The following ARMC9 variants were observed in gnomAD, a reference collection of about 807,000 sequenced individuals.
ARMC9 encodes armadillo repeat containing 9.
ARMC9 carries 94 observed loss-of-function variants against 107.0 expected under a neutral mutation model. The ratio of observed to expected loss-of-function variants is 0.88; its 90% CI spans 0.74 to 1.04. The LOEUF is 1.04. Ranked by LOEUF, ARMC9 falls within the 50% of genes least tolerant of loss-of-function variation. The probability of loss-of-function intolerance (pLI) is 0.00; values close to 1 mark genes in which losing one functional copy is unlikely to be tolerated. For missense variants in ARMC9, 942 were observed against 1,030.1 expected, an observed-to-expected ratio of 0.91 and a Z score of 1.17; for synonymous variants, 380 against 396.9, an observed-to-expected ratio of 0.96 and a Z score of 0.51.
chr2:231,281,539 G>A (rs556573275), intron 16 of ARMC9, among the ~76,000 whole-genome samples: 4 of 152,250 alleles, frequency 2.6e-5, no homozygotes, highest in Admixed American at 1.3e-4. Context: ...TTTGGCCCAC[G>A]CTATAGAATG....
At chr2:231,253,878 G>A (rs1353824800) in intron 9 of ARMC9, among the ~76,000 whole-genome samples, 1 of 152,186 alleles carries the variant, frequency 6.6e-6, no homozygotes, top group Non-Finnish European at 1.5e-5. Context: ...CTGGTGTCAG[G>A]CTGTAGGGAG....
chr2:231,287,702 C>A (rs189470382), intron 17 of ARMC9, among the ~76,000 whole-genome samples: 3 of 152,254 alleles, frequency 2.0e-5, no homozygotes, highest in Admixed American at 2.0e-4. Context: ...GTAATCATGT[C>A]ATGTAATCAT....
rs1170129629 is a variant in ARMC9 at position 231,375,257 on chromosome 2, C to T, written c.*3722C>T. Among the ~76,000 whole-genome samples the T allele has an allele frequency of 6.6e-6, 1 of 152,192 alleles. No individual in the cohort carries two copies. Among genetic ancestry groups the T allele is most frequent in the African/African-American group, 2.4e-5 (1 of 41,426 alleles). On this transcript the variant is annotated 3_prime_UTR_variant, in exon 25 of 25. Transcript: ENST00000611582. This position sits in a 1 kb window ranked among gnomAD's most constrained non-coding sequence, Gnocchi z 4.3. ...GCTGTTGGCTGAGCCCTTGGTTCTC[C>T]TCTGGCTTAGGCTTGTTCACATGGT...
chr2:231,223,047 T>C (rs887523562), intron 6 of ARMC9, among the ~76,000 whole-genome samples: 1 of 152,242 alleles, frequency 6.6e-6, no homozygotes, highest in African/African-American at 2.4e-5. Context: ...CTTATTTTGA[T>C]GTCACGTGGC....
At chr2:231,315,970 T>G (rs981198699) in intron 19 of ARMC9, among the ~76,000 whole-genome samples, 3 of 152,242 alleles carry the variant, frequency 2.0e-5, no homozygotes, top group Non-Finnish European at 4.4e-5. Context: ...TATGCATCTT[T>G]CACTTGTCAC....
Position 231,331,975 on chromosome 2 carries a change from CA to C in ARMC9, c.1878+79del. On this transcript the variant is annotated intron_variant, in intron 20 of 24. Coordinates refer to ENST00000611582, the MANE Select transcript of ARMC9 (RefSeq NM_001352754.2). ...TTGATGGATTTCGTGTTTTCAGTGA[CA>C]CAGAGGGTTTAGTTTGGTTTGTTAC... 4.1e-6 allele frequency: 5 copies of C among 1,219,572 alleles called. No homozygotes were observed. The Middle Eastern group carries it at 9.5e-4, about 231-fold the overall frequency. 75.5% of individuals were successfully genotyped at this position (1,219,572 alleles called of 1,614,324 possible). A position where few individuals can be genotyped will look rare whatever the true frequency, so the allele number is the denominator to read the frequency against.
At chr2:231,240,889 TC>T (rs1042388064) in intron 9 of ARMC9, among the ~76,000 whole-genome samples, 5 of 151,940 alleles carry the variant, frequency 3.3e-5, no homozygotes, top group African/African-American at 1.2e-4. Context: ...AATATAATTT[TC>T]CCCCTTTAAA....
At chr2:231,339,811 A>G (rs2044384648) in intron 20 of ARMC9, among the ~76,000 whole-genome samples, 1 of 152,220 alleles carries the variant, frequency 6.6e-6, no homozygotes, top group Non-Finnish European at 1.5e-5. Context: ...ACATGCCTGT[A>G]ATCCCAGCTA....
chr2:231,369,115 A>G (rs2045920610), intron 23 of ARMC9, among the ~76,000 whole-genome samples: 1 of 152,040 alleles, frequency 6.6e-6, no homozygotes, highest in African/African-American at 2.4e-5. Flanking sequence ...TAGACATTTT[A>G]CAGGCAGGGA....
chr2:231,318,396 A>C (rs1293167731), intron 19 of ARMC9, among the ~76,000 whole-genome samples: 1 of 152,164 alleles, frequency 6.6e-6, no homozygotes, highest in African/African-American at 2.4e-5. Flanking sequence ...AATTATCTGC[A>C]AGTTTTCCCA....
intron 23 of ARMC9, among the ~76,000 whole-genome samples, chr2:231,361,460 T>TAAA (rs567342793): frequency 4.6e-5 from 4 of 87,650 alleles, no homozygotes; most frequent in Admixed American, 2.3e-4. Context: ...ATCAAAAAAC[T>TAAA]AAAAAAAAAA....
chr2:231,354,263 TAAA>T (rs759691541), intron 21 of ARMC9, among the ~76,000 whole-genome samples: 7 of 100,468 alleles, frequency 7.0e-5, no homozygotes, highest in African/African-American at 1.4e-4. Flanking sequence ...CATCTCCATT[TAAA>T]AAAAAAAAAA....
rs958368762 is a variant in ARMC9 at position 231,240,035 on chromosome 2, T to C, written c.873T>C (p.Pro291=). 2 of 1,612,880 alleles carry C rather than the reference T, an allele frequency of 1.2e-6. No individual in the cohort carries two copies. The highest frequency in any genetic ancestry group is 2.7e-5 in the African/African-American group (2 of 74,900). ...CGCATAGTGTGGACTTCACGAGGCCTGGGACGGTGAGGCTCTGCGCTCAGG... is the reference window on the plus strand; with the variant it reads ...CGCATAGTGTGGACTTCACGAGGCCCGGGACGGTGAGGCTCTGCGCTCAGG... The part of the protein sequence containing the change: ...SLAHSVDFTR[P]GTASTMLRAS... The change falls in exon 9 of 25, where the codon CCT becomes CCC. Residue 291 remains proline (P), a synonymous_variant. Transcript: ENST00000611582.
chr2:231,294,652 G>A (rs116515224), intron 18 of ARMC9: 205 of 153,162 alleles, frequency 1.3e-3, no homozygotes, highest in Non-Finnish European at 2.5e-3. Context: ...AAAGAGAAGC[G>A]TGGCTGGGCT....
Position 231,345,034 on chromosome 2 carries a change from G to T in ARMC9, c.1938G>T (p.Gly646=). The T allele has an allele frequency of 6.2e-7, 1 of 1,614,078 alleles. No individual in the cohort carries two copies. The highest frequency in any genetic ancestry group is 8.5e-7 in the Non-Finnish European group (1 of 1,180,030). Residue 646 remains glycine (G), a synonymous_variant, in exon 21 of 25, where the codon GGG becomes GGT. Transcript: ENST00000611582. ...GGCTGGCTAATGTGCAGTGGAGCGG[G>T]GATGAGCCCCTGCAAAGGCCCGTCA... ...RKGLANVQWS[G]DEPLQRPVTP...
chr2:231,249,586 G>A (rs1471972035), intron 9 of ARMC9, among the ~76,000 whole-genome samples: 1 of 152,092 alleles, frequency 6.6e-6, no homozygotes, highest in Non-Finnish European at 1.5e-5. Flanking sequence ...AGGGATGGAT[G>A]GGGGCAGAAA....
At chr2:231,367,040 T>C (rs937396951) in intron 23 of ARMC9, among the ~76,000 whole-genome samples, 1 of 151,324 alleles carries the variant, frequency 6.6e-6, no homozygotes, top group African/African-American at 2.4e-5. Flanking sequence ...TTAGTAGAGA[T>C]GGGGTTTCAC....
chr2:231,276,186 A>G (rs1272696365), intron 14 of ARMC9, among the ~76,000 whole-genome samples: 2 of 152,170 alleles, frequency 1.3e-5, no homozygotes, highest in East Asian at 3.8e-4. Context: ...TGTTATTTCA[A>G]TTGTATGGGT....
chr2:231,359,082 G>GTTCTTTTTTTTTTTTT (rs767321498), intron 22 of ARMC9, among the ~76,000 whole-genome samples: 2 of 117,864 alleles, frequency 1.7e-5, no homozygotes, highest in African/African-American at 3.5e-5. Context: ...GGGGTCTCCT[G>GTTCTTTTTTTTTTTTT]TTTTTTTTTT....
Sources: gnomAD v4.1 joint callset for allele counts (sites outside exome capture counted in the v4.1 genomes callset) on GRCh38, gnomAD v4.1.1 for gene constraint, Gnocchi (gnomAD v3.1) non-coding constraint, MANE v1.5 for transcripts, NCBI Gene and HGNC (gene_info 2026-07-23, HGNC 2026-07-21) for gene names.